The following PLXNA4 variants were observed in gnomAD, a reference collection of about 807,000 sequenced individuals.
The protein encoded by PLXNA4 is plexin A4.
PLXNA4 carries 44 observed loss-of-function variants against 191.8 expected under a neutral mutation model. That is an observed-to-expected ratio of 0.23 (90% confidence interval 0.18 to 0.29). The LOEUF (loss-of-function observed/expected upper bound fraction) is 0.29. Ranked by LOEUF, PLXNA4 falls within the 10% of genes least tolerant of loss-of-function variation. The pLI, the probability that PLXNA4 is intolerant of heterozygous loss-of-function variation, is 1.00. For missense variants in PLXNA4, 1,800 were observed against 2,488.8 expected, an observed-to-expected ratio of 0.72 and a Z score of 5.89; for synonymous variants, 1,082 against 1,009.5, an observed-to-expected ratio of 1.07 and a Z score of -1.36.
rs192850880 is a variant in PLXNA4, at chr7:132,225,251, G to T, written c.1982+910C>A. ...AGAACACATGTGGTGCCTAAACACT[G>T]GGCCAGACATGGCTGTAAATGCTTC... On this transcript the variant is annotated intron_variant, in intron 8 of 31. Coordinates refer to ENST00000321063, the MANE Select transcript of PLXNA4 (RefSeq NM_020911.2). Among the ~76,000 whole-genome samples, 227 of 152,294 alleles carry T rather than the reference G, an allele frequency of 1.5e-3. 1 individual carries two copies. The highest frequency in any genetic ancestry group is 5.2e-3 in the African/African-American group (215 of 41,562).
At chr7:132,270,485 G>T (rs1415021972) in intron 4 of PLXNA4, among the ~76,000 whole-genome samples, 1 of 152,172 alleles carries the variant, frequency 6.6e-6, no homozygotes, top group Non-Finnish European at 1.5e-5. Context: ...GAAAGTAAAG[G>T]TTGTTCCTTA....
chr7:132,430,550 G>T (rs1795221009), intron 3 of PLXNA4, among the ~76,000 whole-genome samples: 1 of 152,120 alleles, frequency 6.6e-6, no homozygotes, highest in African/African-American at 2.4e-5. Flanking sequence ...CACAGTTGGG[G>T]CACAGAGAAA....
At position 132,187,464 on chromosome 7, in the gene PLXNA4, G is replaced by C. The variant is rs373776512; in HGVS notation, c.2993+7C>G. Reference sequence around the variant, plus strand: ...CTGGTGCTGCAGAAAGGGGCCCTCTGAGTTACCTGTGGAAGAGACAGGGCT... The same window carrying C: ...CTGGTGCTGCAGAAAGGGGCCCTCTCAGTTACCTGTGGAAGAGACAGGGCT... On this transcript the variant is annotated splice_region_variant and intron_variant, in intron 15 of 31. Transcript: ENST00000321063. 3.1e-6 allele frequency: 5 copies of C among 1,611,768 alleles called. No homozygotes were observed. The highest frequency in any genetic ancestry group is 4.2e-6 in the Non-Finnish European group (5 of 1,178,652).
At chr7:132,564,317 C>T (rs1371499399) in intron 1 of PLXNA4, among the ~76,000 whole-genome samples, 1 of 144,606 alleles carries the variant, frequency 6.9e-6, no homozygotes, top group Non-Finnish European at 1.5e-5. Flanking sequence ...TCTCCTTTTC[C>T]TCCTCCTTCT....
intron 2 of PLXNA4, among the ~76,000 whole-genome samples, chr7:132,605,119 C>T (rs7779395): frequency 6.6e-6 from 1 of 152,180 alleles, no homozygotes; most frequent in Non-Finnish European, 1.5e-5. Context: ...TCACAACTTA[C>T]GAGATTGGCA....
At chr7:132,435,564 G>A (rs1795439791) in intron 3 of PLXNA4, among the ~76,000 whole-genome samples, 1 of 152,166 alleles carries the variant, frequency 6.6e-6, no homozygotes, top group South Asian at 2.1e-4. Context: ...AAAGAACAAT[G>A]AGGAGTGTTG....
rs539607842 is a variant in PLXNA4, at chr7:132,296,453, T to A, written c.1503+1638A>T. 1.1e-4 allele frequency among the ~76,000 whole-genome samples: 16 copies of A among 151,724 alleles called. No homozygotes were observed. In the East Asian group the frequency reaches 2.9e-3, roughly 28 times the overall value. ...GTTTTTAATTTCTCTTTTTTTTTTT[T>A]TAGAGACAAAGTCTTGCTATGTTGC... On this transcript the variant is annotated intron_variant, in intron 4 of 31. Transcript: ENST00000321063.
chr7:132,600,508 G>T (rs1042209166), intron 2 of PLXNA4, among the ~76,000 whole-genome samples: 1 of 152,094 alleles, frequency 6.6e-6, no homozygotes, highest in African/African-American at 2.4e-5. Context: ...GAACACACGT[G>T]TGTGCCACTA....
At position 132,562,915 on chromosome 7, in the gene PLXNA4, T is replaced by C. The variant is rs1369674121; in HGVS notation, c.-87+13507A>G. Among the ~76,000 whole-genome samples the C allele has an allele frequency of 4.5e-3, 150 of 33,122 alleles. 1 individual carries two copies. Among genetic ancestry groups the C allele is most frequent in the African/African-American group, 0.014 (137 of 9,606 alleles). 21.7% of individuals were successfully genotyped at this position (33,122 alleles called of 152,430 possible). A position where few individuals can be genotyped will look rare whatever the true frequency, so the allele number is the denominator to read the frequency against. Reference sequence around the variant, plus strand: ...CTCCTTCTCCCCCTCCTCCTCCTCTTCCTCCTCCTCCTCTCCCTCCTCCTC... The same window carrying C: ...CTCCTTCTCCCCCTCCTCCTCCTCTCCCTCCTCCTCCTCTCCCTCCTCCTC... On this transcript the variant is annotated intron_variant, in intron 1 of 31. Transcript: ENST00000321063.
intron 2 of PLXNA4, among the ~76,000 whole-genome samples, chr7:132,621,199 C>T (rs1657985778): frequency 1.3e-5 from 2 of 151,302 alleles, no homozygotes; most frequent in African/African-American, 4.9e-5. Flanking sequence ...TACCTAGTCC[C>T]TAACTGCTGG....
At chr7:132,431,422 A>G (rs980233438) in intron 3 of PLXNA4, among the ~76,000 whole-genome samples, 1 of 152,146 alleles carries the variant, frequency 6.6e-6, no homozygotes, top group Non-Finnish European at 1.5e-5. Context: ...GTGAAAACCA[A>G]CAACCAGAAA....
chr7:132,226,217 G>A lies in PLXNA4; in HGVS notation c.1926C>T (p.Thr642=), dbSNP rs759080529. The change falls in exon 8 of 32, where the codon ACC becomes ACT. Residue 642 remains threonine, a synonymous_variant. Transcript: ENST00000321063. ...VVQLQLKSKE[T]GMTFASTSFV... is the part of the protein sequence containing the mutation. ...AGCTGGTGCTGGCGAAGGTCATGCC[G>A]GTCTCCTTTGATTTGAGCTGAAGCT... 8.7e-6 allele frequency: 14 copies of A among 1,613,786 alleles called. No homozygotes were observed. Among genetic ancestry groups the A allele is most frequent in the Admixed American group, 1.7e-5 (1 of 60,002 alleles).
intron 3 of PLXNA4, among the ~76,000 whole-genome samples, chr7:132,340,213 AG>A (rs1177159608): frequency 2.6e-5 from 4 of 152,212 alleles, no homozygotes; most frequent in Non-Finnish European, 4.4e-5. Context: ...TAAAGGGTTG[AG>A]GGTCTAAGGA....
chr7:132,150,563 T>A (rs1002582951), intron 25 of PLXNA4, among the ~76,000 whole-genome samples: 1 of 151,986 alleles, frequency 6.6e-6, no homozygotes, highest in Non-Finnish European at 1.5e-5. Flanking sequence ...ATATTTAGGG[T>A]AGGGAGAGGG....
intron 3 of PLXNA4, among the ~76,000 whole-genome samples, chr7:132,440,970 T>C (rs2117247047): frequency 6.6e-6 from 1 of 152,362 alleles, no homozygotes; most frequent in Non-Finnish European, 1.5e-5. Context: ...AATATGATAG[T>C]TATTTTCACA....
At chr7:132,169,159 G>C (rs747379640) in intron 21 of PLXNA4, among the ~76,000 whole-genome samples, 11 of 152,202 alleles carry the variant, frequency 7.2e-5, no homozygotes, top group Admixed American at 3.3e-4. Flanking sequence ...TGATAAAAAG[G>C]GAAGATTGAG....
intron 2 of PLXNA4, among the ~76,000 whole-genome samples, chr7:132,625,202 T>C (rs1303847710): frequency 6.6e-6 from 1 of 151,874 alleles, no homozygotes; most frequent in Non-Finnish European, 1.5e-5. Flanking sequence ...CCAAGAGAGG[T>C]GGAGAGTGCC....
At chr7:132,519,157 A>G (rs1403707944) in intron 1 of PLXNA4, among the ~76,000 whole-genome samples, 1 of 152,204 alleles carries the variant, frequency 6.6e-6, no homozygotes, top group Non-Finnish European at 1.5e-5. Context: ...CCAGCATCTC[A>G]CTTAAAGAAA....
At chr7:132,343,776 G>T (rs1168146837) in intron 3 of PLXNA4, among the ~76,000 whole-genome samples, 1 of 152,140 alleles carries the variant, frequency 6.6e-6, no homozygotes, top group Non-Finnish European at 1.5e-5. Flanking sequence ...ACTTAGCTGG[G>T]CATGGTGGTG....
Sources: allele counts gnomAD v4.1 joint callset (sites outside exome capture counted in the v4.1 genomes callset), GRCh38; gene constraint gnomAD v4.1.1; transcripts MANE v1.5; gene names NCBI Gene and HGNC (gene_info 2026-07-23, HGNC 2026-07-21).